Variants in OR6M1 observed in about 807,000 individuals in gnomAD.
OR6M1 encodes the protein olfactory receptor 6M1.
For missense variants in OR6M1, 364 were observed against 377.8 expected, an observed-to-expected ratio of 0.96 and a Z score of 0.30; for synonymous variants, 167 against 146.3, an observed-to-expected ratio of 1.14 and a Z score of -1.02.
Position 123,805,567 on chromosome 11 carries a change from C to T in OR6M1, c.783G>A (p.Gln261=), listed in dbSNP as rs1862378638. Residue 261 remains glutamine, a synonymous_variant, in exon 1 of 1, where the codon CAG becomes CAA. Coordinates refer to ENST00000309154, the MANE Select transcript of OR6M1 (RefSeq NM_001005325.1). ...CCTTGTCATAATCCAGTGAGGAGTT[C>T]TGATTGGGTCTCACATACACAAAGA... The part of the protein sequence containing the change: ...SNIFVYVRPN[Q]NSSLDYDKVA... The T allele has an allele frequency of 1.2e-6, 2 of 1,613,856 alleles. No individual in the cohort carries two copies. The highest frequency in any genetic ancestry group is 1.7e-5 in the Admixed American group (1 of 59,974).
Position 123,806,318 on chromosome 11 carries a change from G to A in OR6M1, c.32C>T (p.Thr11Ile). Reference sequence around the variant, plus strand: ...CAGGAGAGCTGGGAAGGCAATTAGGGTGATTTCAGTCACAGTGCTCCAGTT... The same window carrying A: ...CAGGAGAGCTGGGAAGGCAATTAGGATGATTTCAGTCACAGTGCTCCAGTT... MGNWSTVTEI[T>I]LIAFPALLEI... The change falls in exon 1 of 1, where the codon ACC (threonine) becomes ATC (isoleucine). Residue 11 changes from threonine to isoleucine, a missense_variant. Coordinates refer to ENST00000309154, the MANE Select transcript of OR6M1 (RefSeq NM_001005325.1). The A allele has an allele frequency of 6.2e-7, 1 of 1,611,592 alleles. No individual in the cohort carries two copies. The highest frequency in any genetic ancestry group is 8.5e-7 in the Non-Finnish European group (1 of 1,179,478).
Position 123,805,593 on chromosome 11 carries a change from T to C in OR6M1, c.757A>G (p.Ile253Val), listed in dbSNP as rs756505187. ...TGATTGGGTCTCACATACACAAAGA[T>C]GTTGCTCCCGTGGGCAATGGAGACA... ...TVVSIAHGSN[I>V]FVYVRPNQNS... Residue 253 changes from isoleucine (I) to valine (V), a missense_variant, in exon 1 of 1, where the codon ATC (isoleucine) becomes GTC (valine). Physicochemically the swap from Ile to Val is conservative, Grantham distance 29. Transcript: ENST00000309154. 3 of 1,613,988 alleles carry C rather than the reference T, an allele frequency of 1.9e-6. No homozygotes were observed. The highest frequency in any genetic ancestry group is 2.5e-6 in the Non-Finnish European group (3 of 1,179,978).
In OR6M1 at chr11:123,805,857, G is replaced by T. The variant is rs762358555; in HGVS notation, c.493C>A (p.Pro165Thr). 6.2e-7 allele frequency: 1 copy of T among 1,613,978 alleles called. No homozygotes were observed. Among genetic ancestry groups the T allele is most frequent in the South Asian group, 1.1e-5 (1 of 91,070 alleles). The change falls in exon 1 of 1, where the codon CCT becomes ACT. Residue 165 changes from proline to threonine, a missense_variant. By Grantham distance (38) the Pro-to-Thr change is conservative. Coordinates refer to ENST00000309154, the MANE Select transcript of OR6M1 (RefSeq NM_001005325.1). Reference protein sequence around the residue: ...LFPTIVVTRLPYCRKEINHFF... With the variant: ...LFPTIVVTRLTYCRKEINHFF... ...TGATTAATTTCTTTCCTACAGTAAGGTAGCCTTGTCACTACAATGGTTGGA... is the reference window on the plus strand; with the variant it reads ...TGATTAATTTCTTTCCTACAGTAAGTTAGCCTTGTCACTACAATGGTTGGA...
rs571897215 is a variant in OR6M1, at chr11:123,806,274, A to G, written c.76T>C (p.Phe26Leu). 22 of 1,614,028 alleles carry G rather than the reference A, an allele frequency of 1.4e-5. 1 individual carries two copies. In the South Asian group the frequency reaches 2.4e-4, roughly 18 times the overall value. The stretch of plus-strand genomic sequence containing the variant: ...GTGTAAGTTACCACAAGAACCACGA[A>G]GAGAGATATTCGAATCTCCAGGAGA... ...PALLEIRISLFVVLVVTYTLT... is the reference protein window; with the variant it reads ...PALLEIRISLLVVLVVTYTLT... Residue 26 changes from phenylalanine (F) to leucine (L), a missense_variant, in exon 1 of 1, where the codon TTC becomes CTC. By Grantham distance (22) the Phe-to-Leu change is conservative. Transcript: ENST00000309154.
chr11:123,806,084 G>T lies in OR6M1; in HGVS notation c.266C>A (p.Thr89Asn), dbSNP rs1373842730. ...LLACLLGEEK[T>N]ISFAGCMIQT... ...GATCATGCAACCAGCAAAAGATATG[G>T]TTTTCTCTTCTCCTAGGAGGCAGGC... The change falls in exon 1 of 1, where the codon ACC becomes AAC. Residue 89 changes from threonine (T) to asparagine (N), a missense_variant. By Grantham distance (65) the Thr-to-Asn change is moderately conservative. Transcript: ENST00000309154. 6.2e-7 allele frequency: 1 copy of T among 1,614,012 alleles called. No homozygotes were observed. Among genetic ancestry groups the T allele is most frequent in the African/African-American group, 1.3e-5 (1 of 74,934 alleles).
In OR6M1 at chr11:123,805,666, G is replaced by C. The variant is rs1565547523; in HGVS notation, c.684C>G (p.Thr228=). 2 of 1,613,978 alleles carry C rather than the reference G, an allele frequency of 1.2e-6. No individual in the cohort carries two copies. The highest frequency in any genetic ancestry group is 1.7e-6 in the Non-Finnish European group (2 of 1,179,946). The stretch of plus-strand genomic sequence containing the variant: ...TAGAAAAAGCTTTCTGACGGCCCTG[G>C]GTGGAGGGGATACGCAGGATGGTAG... ...IISTILRIPS[T]QGRQKAFSTC... Residue 228 remains threonine, a synonymous_variant, in exon 1 of 1, where the codon ACC becomes ACG. Transcript: ENST00000309154.
At position 123,805,827 on chromosome 11, in the gene OR6M1, A is replaced by C; in HGVS notation, c.523T>G (p.Phe175Val). The change falls in exon 1 of 1, where the codon TTC (phenylalanine) becomes GTC (valine). Residue 175 changes from phenylalanine (F) to valine (V), a missense_variant. Coordinates refer to ENST00000309154, the MANE Select transcript of OR6M1 (RefSeq NM_001005325.1). ...TGAAGAAGAGGGGCAATGTCACAGA[A>C]GAAATGATTAATTTCTTTCCTACAG... ...PYCRKEINHF[F>V]CDIAPLLQVA... 1 of 1,614,056 alleles carries C rather than the reference A, an allele frequency of 6.2e-7. No individual in the cohort carries two copies. The highest frequency in any genetic ancestry group is 8.5e-7 in the Non-Finnish European group (1 of 1,179,988).
At position 123,805,918 on chromosome 11, in the gene OR6M1, C is replaced by A; in HGVS notation, c.432G>T (p.Leu144=). ...MNSRACLLLV[L]GCWVGAFLSV... is the part of the protein sequence containing the mutation. ...ACAGGAAGGCTCCCACCCAGCATCC[C>A]AGAACCAGCAGAAGGCAGGCCCTGC... The change falls in exon 1 of 1, where the codon CTG becomes CTT. Residue 144 remains leucine, a synonymous_variant. Transcript: ENST00000309154. 6.2e-7 allele frequency: 1 copy of A among 1,613,732 alleles called. No individual in the cohort carries two copies. The highest frequency in any genetic ancestry group is 1.1e-5 in the South Asian group (1 of 91,034).
At position 123,805,900 on chromosome 11, in the gene OR6M1, G is replaced by C. The variant is rs1402859361; in HGVS notation, c.450C>G (p.Ala150=). The change falls in exon 1 of 1, where the codon GCC becomes GCG. Residue 150 remains alanine, a synonymous_variant. Transcript: ENST00000309154. ...TGGTTGGAAACAACACAGACAGGAAGGCTCCCACCCAGCATCCCAGAACCA... is the reference window on the plus strand; with the variant it reads ...TGGTTGGAAACAACACAGACAGGAACGCTCCCACCCAGCATCCCAGAACCA... The part of the protein sequence containing the change: ...LLLVLGCWVG[A]FLSVLFPTIV... 1.2e-6 allele frequency: 2 copies of C among 1,613,940 alleles called. No homozygotes were observed. The highest frequency in any genetic ancestry group is 3.3e-5 in the Admixed American group (2 of 59,988).
chr11:123,805,916 C>A lies in OR6M1; in HGVS notation c.434G>T (p.Gly145Val). Reference protein sequence around the residue: ...NSRACLLLVLGCWVGAFLSVL... With the variant: ...NSRACLLLVLVCWVGAFLSVL... ...AGACAGGAAGGCTCCCACCCAGCAT[C>A]CCAGAACCAGCAGAAGGCAGGCCCT... Residue 145 changes from glycine (G) to valine (V), a missense_variant, in exon 1 of 1, where the codon GGA becomes GTA. By Grantham distance (109) the Gly-to-Val change is moderately radical. Transcript: ENST00000309154. 6.2e-7 allele frequency: 1 copy of A among 1,613,866 alleles called. No homozygotes were observed. Among genetic ancestry groups the A allele is most frequent in the Non-Finnish European group, 8.5e-7 (1 of 1,179,912 alleles).
At position 123,806,178 on chromosome 11, in the gene OR6M1, A is replaced by G; in HGVS notation, c.172T>C (p.Tyr58His). 6.2e-7 allele frequency: 1 copy of G among 1,614,156 alleles called. No homozygotes were observed. Among genetic ancestry groups the G allele is most frequent in the South Asian group, 1.1e-5 (1 of 91,088 alleles). ...AAGGACAAATTACTGAGGAAGAAGTACATTGGAGTTTGCAGGCGATGATCA... is the reference window on the plus strand; with the variant it reads ...AAGGACAAATTACTGAGGAAGAAGTGCATTGGAGTTTGCAGGCGATGATCA... ...WIDHRLQTPM[Y>H]FFLSNLSFLD... The change falls in exon 1 of 1, where the codon TAC becomes CAC. Residue 58 changes from tyrosine (Y) to histidine (H), a missense_variant. Physicochemically the swap from Tyr to His is moderately conservative, Grantham distance 83. Transcript: ENST00000309154.
Position 123,805,448 on chromosome 11 carries a change from G to A in OR6M1, c.902C>T (p.Thr301Ile), listed in dbSNP as rs758363090. ...TATCAAGGTCATGATTCTGTTCACTGTCTCTCTCAACACTTCCTGTACCTT... is the reference window on the plus strand; with the variant it reads ...TATCAAGGTCATGATTCTGTTCACTATCTCTCTCAACACTTCCTGTACCTT... ...NEKVQEVLRE[T>I]VNRIMTLIQR... The change falls in exon 1 of 1, where the codon ACA becomes ATA. Residue 301 changes from threonine to isoleucine, a missense_variant. Coordinates refer to ENST00000309154, the MANE Select transcript of OR6M1 (RefSeq NM_001005325.1). The A allele has an allele frequency of 6.2e-7, 1 of 1,613,256 alleles. No homozygotes were observed. Among genetic ancestry groups the A allele is most frequent in the Non-Finnish European group, 8.5e-7 (1 of 1,179,578 alleles).
In OR6M1 at chr11:123,806,299, A is replaced by G; in HGVS notation, c.51T>C (p.Ala17=). The G allele has an allele frequency of 1.2e-6, 2 of 1,613,536 alleles. No individual in the cohort carries two copies. Among genetic ancestry groups the G allele is most frequent in the Non-Finnish European group, 1.7e-6 (2 of 1,179,906 alleles). The change falls in exon 1 of 1, where the codon GCT becomes GCC. Residue 17 remains alanine, a synonymous_variant. Coordinates refer to ENST00000309154, the MANE Select transcript of OR6M1 (RefSeq NM_001005325.1). ...AGAGAGATATTCGAATCTCCAGGAG[A>G]GCTGGGAAGGCAATTAGGGTGATTT... The part of the protein sequence containing the change: ...VTEITLIAFP[A]LLEIRISLFV...
At position 123,805,959 on chromosome 11, in the gene OR6M1, T is replaced by G. The variant is rs1862384910; in HGVS notation, c.391A>C (p.Thr131Pro). 6.2e-7 allele frequency: 1 copy of G among 1,613,724 alleles called. No individual in the cohort carries two copies. Among genetic ancestry groups the G allele is most frequent in the Non-Finnish European group, 8.5e-7 (1 of 1,179,918 alleles). Residue 131 changes from threonine (T) to proline (P), a missense_variant, in exon 1 of 1, where the codon ACG becomes CCG. Coordinates refer to ENST00000309154, the MANE Select transcript of OR6M1 (RefSeq NM_001005325.1). Reference sequence around the variant, plus strand: ...CAGGCCCTGCTGTTCATGATGACCGTGTAGTGCAGTGGGTCGCAGATAGCC... The same window carrying G: ...CAGGCCCTGCTGTTCATGATGACCGGGTAGTGCAGTGGGTCGCAGATAGCC... ...YMAICDPLHY[T>P]VIMNSRACLL... is the part of the protein sequence containing the mutation.
Position 123,805,744 on chromosome 11 carries a change from A to C in OR6M1, c.606T>G (p.Leu202=), listed in dbSNP as rs1166463508. The C allele has an allele frequency of 1.9e-6, 3 of 1,613,950 alleles. No homozygotes were observed. In the South Asian group the frequency reaches 3.3e-5, roughly 18 times the overall value. ...IEKINFLLSA[L]VILSSLAFTT... is the part of the protein sequence containing the mutation. ...TGAATGCCAGGGAGCTCAGGATGACAAGGGCAGAGAGGAGAAAGTTTATCT... is the reference window on the plus strand; with the variant it reads ...TGAATGCCAGGGAGCTCAGGATGACCAGGGCAGAGAGGAGAAAGTTTATCT... The change falls in exon 1 of 1, where the codon CTT becomes CTG. Residue 202 remains leucine, a synonymous_variant. Transcript: ENST00000309154.
chr11:123,806,084 G>GA lies in OR6M1; in HGVS notation c.265_266insT (p.Thr89IlefsTer31). On this transcript the variant is annotated frameshift_variant, in exon 1 of 1. Transcript: ENST00000309154. LOFTEE classifies it low-confidence loss of function (END_TRUNC). ...GATCATGCAACCAGCAAAAGATATG[G>GA]TTTTCTCTTCTCCTAGGAGGCAGGC... 6.2e-7 allele frequency: 1 copy of GA among 1,614,130 alleles called. No homozygotes were observed. Among genetic ancestry groups the GA allele is most frequent in the Non-Finnish European group, 8.5e-7 (1 of 1,180,002 alleles).
Position 123,805,725 on chromosome 11 carries a change from C to A in OR6M1, c.625G>T (p.Ala209Ser). The A allele has an allele frequency of 6.2e-7, 1 of 1,613,914 alleles. No individual in the cohort carries two copies. Among genetic ancestry groups the A allele is most frequent in the Non-Finnish European group, 8.5e-7 (1 of 1,179,948 alleles). The change falls in exon 1 of 1, where the codon GCA becomes TCA. Residue 209 changes from alanine to serine, a missense_variant. Ala to Ser is a moderately conservative substitution (Grantham distance 99, BLOSUM62 1). Coordinates refer to ENST00000309154, the MANE Select transcript of OR6M1 (RefSeq NM_001005325.1). The part of the protein sequence containing the change: ...LSALVILSSL[A>S]FTTGSYVYII... The stretch of plus-strand genomic sequence containing the variant: ...TACACGTAGGACCCAGTAGTGAATG[C>A]CAGGGAGCTCAGGATGACAAGGGCA...
chr11:123,806,046 A>G lies in OR6M1; in HGVS notation c.304T>C (p.Tyr102His). Residue 102 changes from tyrosine (Y) to histidine (H), a missense_variant, in exon 1 of 1, where the codon TAC (tyrosine) becomes CAC (histidine). Tyr to His is a moderately conservative substitution (Grantham distance 83). Transcript: ENST00000309154. ...AACTCCACCGTCCCCAGAAAGAAGT[A>G]GAAATATGTTTGGATCATGCAACCA... ...FAGCMIQTYF[Y>H]FFLGTVEFIL... 1 of 1,614,134 alleles carries G rather than the reference A, an allele frequency of 6.2e-7. No homozygotes were observed. The highest frequency in any genetic ancestry group is 8.5e-7 in the Non-Finnish European group (1 of 1,180,010).
chr11:123,806,088 T>C lies in OR6M1; in HGVS notation c.262A>G (p.Lys88Glu). The C allele has an allele frequency of 6.2e-7, 1 of 1,614,130 alleles. No individual in the cohort carries two copies. Among genetic ancestry groups the C allele is most frequent in the Non-Finnish European group, 8.5e-7 (1 of 1,180,014 alleles). ...ATGCAACCAGCAAAAGATATGGTTT[T>C]CTCTTCTCCTAGGAGGCAGGCCAAC... ...KLLACLLGEE[K>E]TISFAGCMIQ... The change falls in exon 1 of 1, where the codon AAA (lysine) becomes GAA (glutamate). Residue 88 changes from lysine to glutamate, a missense_variant. Lys to Glu is a moderately conservative substitution (Grantham distance 56, BLOSUM62 1). Coordinates refer to ENST00000309154, the MANE Select transcript of OR6M1 (RefSeq NM_001005325.1).
Sources: allele counts gnomAD v4.1 joint callset, GRCh38; gene constraint gnomAD v4.1.1; transcripts MANE v1.5; gene names NCBI Gene and HGNC (gene_info 2026-07-23, HGNC 2026-07-21).